TAF1B: variants seen among roughly 807,000 people sequenced by gnomAD.
TAF1B encodes TATA box-binding protein-associated factor RNA polymerase I subunit B.
Under a neutral mutation model 83.9 loss-of-function variants are expected in TAF1B, and 61 were observed. The observed-to-expected ratio is 0.73, with a 90% confidence interval of 0.59 to 0.90. The LOEUF is 0.90. Ranked by LOEUF, TAF1B falls within the 40% of genes least tolerant of loss-of-function variation. TAF1B has a pLI of 0.00. For missense variants in TAF1B, 625 were observed against 677.0 expected (o/e 0.92, Z 0.85); for synonymous variants, 221 against 224.6 (o/e 0.98, Z 0.14).
At chr2:9,909,614 C>T (rs559036075) in intron 9 of TAF1B, among the ~76,000 whole-genome samples, 1 of 152,066 alleles carries the variant, frequency 6.6e-6, no homozygotes, top group Non-Finnish European at 1.5e-5. Flanking sequence ...GAGAGTAAGA[C>T]TAGAGAAAGG....
chr2:9,910,451 CAA>C (rs1042295509), intron 9 of TAF1B, among the ~76,000 whole-genome samples: 31 of 152,138 alleles, frequency 2.0e-4, no homozygotes, highest in African/African-American at 7.0e-4. Flanking sequence ...GAAACACAGA[CAA>C]GAGATGTGGA....
intron 5 of TAF1B, among the ~76,000 whole-genome samples, chr2:9,860,506 T>C (rs1663717765): frequency 6.6e-6 from 1 of 152,124 alleles, no homozygotes; most frequent in African/African-American, 2.4e-5. Context: ...ATTTTAAAAT[T>C]TGAAGATAGT....
At chr2:9,916,445 C>T (rs1404578779) in intron 12 of TAF1B, among the ~76,000 whole-genome samples, 1 of 152,154 alleles carries the variant, frequency 6.6e-6, no homozygotes, top group Non-Finnish European at 1.5e-5. Flanking sequence ...GGGCATATCA[C>T]CCCAAGGGCA....
intron 5 of TAF1B, among the ~76,000 whole-genome samples, chr2:9,862,354 GATGAAATGA>G (rs1663800919): frequency 6.6e-6 from 1 of 152,138 alleles, no homozygotes; most frequent in Admixed American, 6.5e-5. Context: ...CATGATGGAA[GATGAAATGA>G]ATGAAATGAA....
At chr2:9,865,138 G>A (rs1445913613) in intron 5 of TAF1B, among the ~76,000 whole-genome samples, 5 of 152,166 alleles carry the variant, frequency 3.3e-5, no homozygotes, top group Non-Finnish European at 5.9e-5. Flanking sequence ...TAGGAAAAGA[G>A]GAAGTCAAAT....
intron 8 of TAF1B, among the ~76,000 whole-genome samples, chr2:9,888,643 T>C (rs1298799404): frequency 2.6e-5 from 4 of 152,052 alleles, no homozygotes; most frequent in Non-Finnish European, 5.9e-5. Context: ...CTGATGTCAA[T>C]CTGCTATAAT....
intron 9 of TAF1B, among the ~76,000 whole-genome samples, chr2:9,905,734 G>A (rs1214717588): frequency 1.3e-5 from 2 of 152,076 alleles, no homozygotes. Flanking sequence ...TGAATGTATT[G>A]TTAATAGGAG....
At chr2:9,896,273 A>G (rs1665013679) in intron 8 of TAF1B, among the ~76,000 whole-genome samples, 1 of 151,934 alleles carries the variant, frequency 6.6e-6, no homozygotes. Flanking sequence ...ATGACTGTTG[A>G]TTTAATTGAC....
chr2:9,886,930 T>C (rs1243250296), intron 8 of TAF1B, among the ~76,000 whole-genome samples: 1 of 152,108 alleles, frequency 6.6e-6, no homozygotes, highest in Non-Finnish European at 1.5e-5. Flanking sequence ...CTGAGCGTGG[T>C]GGCGCACAGC....
At chr2:9,918,925 GC>G in intron 12 of TAF1B, 115 bp from the exon 13 acceptor site, 1 of 876,584 alleles carries the variant, frequency 1.1e-6, no homozygotes, top group East Asian at 2.4e-5. Context: ...GTGCCAGTAG[GC>G]CATTCCAAGC....
At chr2:9,925,297 G>A (rs941690060) in intron 14 of TAF1B, among the ~76,000 whole-genome samples, 6 of 151,710 alleles carry the variant, frequency 4.0e-5, no homozygotes, top group Non-Finnish European at 5.9e-5. Context: ...AAAATTAGCC[G>A]GGCATGGTGG....
At chr2:9,843,667 C>A in intron 1 of TAF1B, 108 bp downstream of exon 1, 1 of 1,261,846 alleles carries the variant, frequency 7.9e-7, no homozygotes, top group Non-Finnish European at 1.1e-6. Flanking sequence ...ACGCCACCGG[C>A]TGGAGGAAGG....
intron 4 of TAF1B, chr2:9,851,943 G>A (rs1168235984): frequency 1.9e-6 from 1 of 523,190 alleles, no homozygotes; most frequent in East Asian, 5.4e-5. Context: ...CCTTTTGTGT[G>A]TTAATGTGCT....
chr2:9,843,751 G>A (rs111346977), intron 1 of TAF1B, 192 bp downstream of exon 1: 1 of 565,090 alleles, frequency 1.8e-6, no homozygotes, highest in South Asian at 2.5e-5. Flanking sequence ...TTGGTAAAGA[G>A]GCTGGAGTTT....
chr2:9,895,256 T>C (rs892987331), intron 8 of TAF1B, among the ~76,000 whole-genome samples: 2 of 152,222 alleles, frequency 1.3e-5, no homozygotes, highest in Admixed American at 6.5e-5. Flanking sequence ...TCCCAGCACT[T>C]TGGGAAGCTG....
chr2:9,848,370 A>G (rs892357351), intron 2 of TAF1B, among the ~76,000 whole-genome samples: 1 of 152,188 alleles, frequency 6.6e-6, no homozygotes, highest in Non-Finnish European at 1.5e-5. Context: ...TCTGGCATTA[A>G]GACTCAATAA....
At chr2:9,889,449 T>A (rs1664796176) in intron 8 of TAF1B, among the ~76,000 whole-genome samples, 1 of 152,164 alleles carries the variant, frequency 6.6e-6, no homozygotes, top group East Asian at 1.9e-4. Context: ...CATTTTAGTC[T>A]TATTTCTTCT....
At chr2:9,872,277 G>A (rs1664191576) in intron 6 of TAF1B, among the ~76,000 whole-genome samples, 1 of 149,614 alleles carries the variant, frequency 6.7e-6, no homozygotes, top group Non-Finnish European at 1.5e-5. Context: ...GGTGAGCTGA[G>A]ATCACACCAC....
intron 14 of TAF1B, among the ~76,000 whole-genome samples, chr2:9,924,638 T>C (rs915203100): frequency 4.6e-5 from 7 of 152,242 alleles, no homozygotes; most frequent in African/African-American, 1.7e-4. Context: ...TGTAATAATA[T>C]CATTGTAAAG....
Sources: allele counts gnomAD v4.1 joint callset (sites outside exome capture counted in the v4.1 genomes callset), GRCh38; gene constraint gnomAD v4.1.1; transcripts MANE v1.5; gene names NCBI Gene and HGNC (gene_info 2026-07-23, HGNC 2026-07-21).